RPS6KC1: variants seen among roughly 807,000 people sequenced by gnomAD.
The protein encoded by RPS6KC1 is inactive ribosomal protein S6 kinase delta-1.
A neutral mutation model predicts 103.8 loss-of-function variants in RPS6KC1; 54 were observed. The ratio of observed to expected loss-of-function variants is 0.52; its 90% CI spans 0.42 to 0.65. RPS6KC1 has a LOEUF of 0.65. Ranked by LOEUF, RPS6KC1 falls within the 30% of genes least tolerant of loss-of-function variation. RPS6KC1 has a pLI of 0.00. For synonymous variants in RPS6KC1, 439 were observed against 438.7 expected (o/e 1.00, Z -0.01); for missense variants, 1,151 against 1,253.8 (o/e 0.92, Z 1.24).
chr1:213,077,636 T>C (rs963647534), intron 2 of RPS6KC1, 60 bp from the exon 3 acceptor site: 6 of 1,054,204 alleles, frequency 5.7e-6, no homozygotes, highest in Non-Finnish European at 8.0e-6. Context: ...GGATTATTTG[T>C]TGTTCAGATA....
the RPS6KC1 span, among the ~76,000 whole-genome samples, chr1:213,452,787 C>T: frequency 5.9e-5 from 9 of 152,160 alleles, no homozygotes; most frequent in East Asian, 1.9e-4. Context: ...TAAAAGTACA[C>T]GAGCAAACAA....
chr1:213,370,894 C>T, the RPS6KC1 span, among the ~76,000 whole-genome samples: 6 of 152,074 alleles, frequency 3.9e-5, no homozygotes, highest in Non-Finnish European at 8.8e-5. Flanking sequence ...AAACTCGTGC[C>T]CCATGACCTG....
the RPS6KC1 span, among the ~76,000 whole-genome samples, chr1:213,573,519 G>T: frequency 6.6e-6 from 1 of 152,138 alleles, no homozygotes; most frequent in Non-Finnish European, 1.5e-5. Context: ...CTTTATCTGG[G>T]GCATTAGCCA....
chr1:213,075,331 A>G (rs1286057533), intron 2 of RPS6KC1, among the ~76,000 whole-genome samples: 1 of 152,086 alleles, frequency 6.6e-6, no homozygotes, highest in Non-Finnish European at 1.5e-5. Flanking sequence ...TTCCTTGGCA[A>G]TGTCGTATGA....
At chr1:213,338,243 C>T in the RPS6KC1 span, among the ~76,000 whole-genome samples, 12 of 152,310 alleles carry the variant, frequency 7.9e-5, no homozygotes, top group African/African-American at 2.9e-4. Flanking sequence ...GCATGAACTT[C>T]ACTCCCCCTT....
intron 6 of RPS6KC1, among the ~76,000 whole-genome samples, chr1:213,155,456 G>A (rs776275595): frequency 9.2e-5 from 14 of 152,148 alleles, no homozygotes; most frequent in Non-Finnish European, 1.9e-4. Flanking sequence ...TTCCCCTCTG[G>A]CTAGAGTGGG....
At chr1:213,355,669 A>C in the RPS6KC1 span, among the ~76,000 whole-genome samples, 2 of 152,196 alleles carry the variant, frequency 1.3e-5, no homozygotes, top group Admixed American at 1.3e-4. Flanking sequence ...ACAAAGTATT[A>C]GCTTATTTTA....
Position 213,230,532 on chromosome 1 carries a change from T to C in RPS6KC1, c.1080T>C (p.Thr360=). 1 of 1,605,366 alleles carries C rather than the reference T, an allele frequency of 6.2e-7. No homozygotes were observed. The highest frequency in any genetic ancestry group is 8.5e-7 in the Non-Finnish European group (1 of 1,175,598). ...TAATGGACACAAGGACAGAACAGAC[T>C]TTCATTTTAAAAGTAAGTAAAATTT... ...LLVMDTRTEQ[T]FILKGLRKSS... Residue 360 remains threonine, a synonymous_variant, in exon 9 of 15, where the codon ACT becomes ACC. Transcript: ENST00000366960.
chr1:213,626,679 A>T, the RPS6KC1 span, among the ~76,000 whole-genome samples: 4 of 152,222 alleles, frequency 2.6e-5, no homozygotes, highest in African/African-American at 7.2e-5. Context: ...TTTATTAAAT[A>T]GGGAATCCTT....
At chr1:213,323,207 A>C in the RPS6KC1 span, among the ~76,000 whole-genome samples, 1 of 150,888 alleles carries the variant, frequency 6.6e-6, no homozygotes, top group Non-Finnish European at 1.5e-5. Context: ...TACTAGACCC[A>C]CCCCATAATC....
chr1:213,088,238 A>G (rs773942785), intron 3 of RPS6KC1, among the ~76,000 whole-genome samples: 74 of 152,144 alleles, frequency 4.9e-4, no homozygotes, highest in Middle Eastern at 3.2e-3. Context: ...CTCTACAGAG[A>G]TCCGAATCCC....
At chr1:213,815,941 C>A in the RPS6KC1 span, among the ~76,000 whole-genome samples, 2 of 152,124 alleles carry the variant, frequency 1.3e-5, no homozygotes, top group African/African-American at 4.8e-5. Context: ...TTTACTTGAA[C>A]CTTTAGAAGC....
the RPS6KC1 span, among the ~76,000 whole-genome samples, chr1:213,749,679 G>A: frequency 0.027 from 3,870 of 144,308 alleles, 173 homozygotes; most frequent in African/African-American, 0.09. Flanking sequence ...CCCAACTCCC[G>A]CCCACTTTGC....
At chr1:213,237,591 AGAT>A (rs1444818637) in intron 10 of RPS6KC1, among the ~76,000 whole-genome samples, 1 of 152,066 alleles carries the variant, frequency 6.6e-6, no homozygotes, top group African/African-American at 2.4e-5. Flanking sequence ...CTTGGCCAAA[AGAT>A]GATTTTGATT....
At chr1:213,298,292 G>T in the RPS6KC1 span, among the ~76,000 whole-genome samples, 524 of 152,298 alleles carry the variant, frequency 3.4e-3, 9 homozygotes, top group Admixed American at 0.032. Context: ...GTTTGGCTTG[G>T]TATAGCATTT....
At chr1:213,796,656 A>G in the RPS6KC1 span, among the ~76,000 whole-genome samples, 5 of 152,208 alleles carry the variant, frequency 3.3e-5, no homozygotes, top group African/African-American at 1.2e-4. Flanking sequence ...TGGATGAAAT[A>G]ATGTGCCATG....
chr1:213,371,137 G>A, the RPS6KC1 span, among the ~76,000 whole-genome samples: 1 of 151,602 alleles, frequency 6.6e-6, no homozygotes, highest in Admixed American at 6.6e-5. Context: ...CCTGTCAACT[G>A]TCCTTCTACC....
chr1:213,093,044 C>T (rs1028231367), intron 3 of RPS6KC1, among the ~76,000 whole-genome samples: 2 of 152,152 alleles, frequency 1.3e-5, no homozygotes, highest in Non-Finnish European at 2.9e-5. Context: ...CTTTTCTCCA[C>T]ATCCTTCCAT....
At chr1:213,272,373 TAGC>T in intron 14 of RPS6KC1, 148 bp from the exon 15 acceptor site, 1 of 621,962 alleles carries the variant, frequency 1.6e-6, no homozygotes, top group Non-Finnish European at 2.9e-6. Flanking sequence ...GTATTAGACA[TAGC>T]TCCCTTTCAA....
Sources: gnomAD v4.1 joint callset for allele counts (sites outside exome capture counted in the v4.1 genomes callset) on GRCh38, gnomAD v4.1.1 for gene constraint, MANE v1.5 for transcripts, NCBI Gene and HGNC (gene_info 2026-07-23, HGNC 2026-07-21) for gene names.